The following KCNMA1 variants were observed in gnomAD, a reference collection of about 807,000 sequenced individuals.
KCNMA1 encodes potassium calcium-activated channel subfamily M alpha 1.
In KCNMA1, 29 loss-of-function variants were observed where a neutral mutation model predicts 140.0. The ratio of observed to expected loss-of-function variants is 0.21; its 90% CI spans 0.15 to 0.28. The LOEUF (loss-of-function observed/expected upper bound fraction) is 0.28. KCNMA1 is among the 10% of genes least tolerant of loss of function. KCNMA1 has a pLI of 1.00. For missense variants in KCNMA1, 880 were observed against 1,602.2 expected, an observed-to-expected ratio of 0.55 and a Z score of 7.70; for synonymous variants, 612 against 611.9, an observed-to-expected ratio of 1.00 and a Z score of 0.00.
At chr10:77,370,494 G>C (rs2094619820) in intron 2 of KCNMA1, among the ~76,000 whole-genome samples, 1 of 152,152 alleles carries the variant, frequency 6.6e-6, no homozygotes, top group Non-Finnish European at 1.5e-5. Flanking sequence ...GCCTGTTTGA[G>C]ATTGATGCCT....
intron 14 of KCNMA1, among the ~76,000 whole-genome samples, chr10:77,065,701 T>C (rs776731333): frequency 4.6e-5 from 7 of 152,186 alleles, no homozygotes; most frequent in Non-Finnish European, 7.3e-5. Flanking sequence ...TTTGTTAATC[T>C]AGGTCCTGGT....
chr10:77,449,767 C>T (rs2097595474), intron 1 of KCNMA1, among the ~76,000 whole-genome samples: 2 of 151,228 alleles, frequency 1.3e-5, no homozygotes, highest in South Asian at 2.1e-4. Context: ...CTCAGCCTCC[C>T]GAGTAGCTGG....
chr10:77,127,202 G>T (rs1005081569), intron 5 of KCNMA1, among the ~76,000 whole-genome samples: 4 of 151,324 alleles, frequency 2.6e-5, no homozygotes. Flanking sequence ...TATTATTGAT[G>T]ATATCTAGTA....
intron 1 of KCNMA1, among the ~76,000 whole-genome samples, chr10:77,535,045 G>T (rs373539128): frequency 1.3e-5 from 2 of 152,156 alleles, no homozygotes; most frequent in South Asian, 2.1e-4. Context: ...TATAAGGGTC[G>T]TGGAGATTCA....
intron 20 of KCNMA1, among the ~76,000 whole-genome samples, chr10:76,969,596 CAGAA>C (rs1321069715): frequency 6.6e-6 from 1 of 152,184 alleles, no homozygotes; most frequent in Non-Finnish European, 1.5e-5. Flanking sequence ...GGGACTCCAG[CAGAA>C]AGAGACTGCC....
intron 1 of KCNMA1, among the ~76,000 whole-genome samples, chr10:77,588,077 T>A (rs1014262787): frequency 2.6e-5 from 4 of 152,180 alleles, no homozygotes; most frequent in African/African-American, 4.8e-5. Flanking sequence ...AGATTCTAAT[T>A]CCATGGGAAT....
Position 77,637,313 on chromosome 10 carries a change from C to T in KCNMA1, c.330G>A (p.Thr110=). 4 of 1,613,594 alleles carry T rather than the reference C, an allele frequency of 2.5e-6. No individual in the cohort carries two copies. The East Asian group carries it at 8.9e-5, about 36-fold the overall frequency. Residue 110 remains threonine (T), a synonymous_variant, in exon 1 of 28, where the codon ACG becomes ACA. Coordinates refer to ENST00000286628, the MANE Select transcript of KCNMA1 (RefSeq NM_001161352.2). ...GGLFIILLWR[T]LKYLWTVCCH... is the part of the protein sequence containing the mutation. Reference sequence around the variant, plus strand: ...AGCACACGGTCCACAGGTACTTGAGCGTCCGCCAGAGCAAGATGATGAAGA... The same window carrying T: ...AGCACACGGTCCACAGGTACTTGAGTGTCCGCCAGAGCAAGATGATGAAGA...
chr10:77,454,570 C>G (rs2091252802), intron 1 of KCNMA1, among the ~76,000 whole-genome samples: 1 of 152,218 alleles, frequency 6.6e-6, no homozygotes, highest in African/African-American at 2.4e-5. Flanking sequence ...CCCTTTCACT[C>G]TACCCTAAGT....
chr10:77,153,170 A>G (rs576694837), intron 5 of KCNMA1, among the ~76,000 whole-genome samples: 2 of 152,324 alleles, frequency 1.3e-5, no homozygotes, highest in Middle Eastern at 3.4e-3. Flanking sequence ...ACTGGAGCAC[A>G]GAGTTCTCTT....
At chr10:77,624,384 T>C (rs1021990651) in intron 1 of KCNMA1, among the ~76,000 whole-genome samples, 1 of 152,006 alleles carries the variant, frequency 6.6e-6, no homozygotes, top group Non-Finnish European at 1.5e-5. Flanking sequence ...AATAGTAGAG[T>C]CACAAAAACC....
chr10:77,401,336 T>C (rs1292550813), intron 2 of KCNMA1, among the ~76,000 whole-genome samples: 2 of 152,054 alleles, frequency 1.3e-5, no homozygotes, highest in Non-Finnish European at 2.9e-5. Context: ...TTTGTATTTT[T>C]AGTAGAGATG....
At chr10:77,588,565 A>G (rs558468847) in intron 1 of KCNMA1, among the ~76,000 whole-genome samples, 124 of 152,346 alleles carry the variant, frequency 8.1e-4, no homozygotes, top group African/African-American at 2.7e-3. Context: ...AGAATTTTAG[A>G]CAGAGGTCCC....
chr10:77,016,689 C>T (rs1309269371), intron 17 of KCNMA1, among the ~76,000 whole-genome samples: 4 of 152,114 alleles, frequency 2.6e-5, no homozygotes, highest in Admixed American at 6.6e-5. Flanking sequence ...TATGTTCCAA[C>T]GTTATTTTAA....
intron 2 of KCNMA1, among the ~76,000 whole-genome samples, chr10:77,278,221 A>T (rs1482205674): frequency 6.6e-6 from 1 of 152,194 alleles, no homozygotes; most frequent in Non-Finnish European, 1.5e-5. Flanking sequence ...GAAATATAAA[A>T]TATGATTCTC....
Position 77,637,600 on chromosome 10 carries a change from C to CGCCGCCGCT in KCNMA1, c.34_42dup (p.Ser12_Gly14dup). ...AGACTGCTGCCTCCGCCGCCGCCGCCGCCGCCGCTGCTGCCGCCGCCGCCG... is the reference window on the plus strand; with the variant it reads ...AGACTGCTGCCTCCGCCGCCGCCGCCGCCGCCGCTGCCGCCGCTGCTGCCGCCGCCGCCG... On this transcript the variant is annotated inframe_insertion, in exon 1 of 28. Transcript: ENST00000286628. The CGCCGCCGCT allele has an allele frequency of 1.3e-6, 2 of 1,526,736 alleles. No homozygotes were observed. Among genetic ancestry groups the CGCCGCCGCT allele is most frequent in the Non-Finnish European group, 1.8e-6 (2 of 1,141,228 alleles). The allele number at this position is 1,526,736 out of a possible 1,614,324, so 94.6% of individuals were successfully genotyped here.
intron 14 of KCNMA1, among the ~76,000 whole-genome samples, chr10:77,059,615 T>C (rs916021440): frequency 6.6e-6 from 1 of 152,118 alleles, no homozygotes; most frequent in East Asian, 1.9e-4. Flanking sequence ...ATCCTATACA[T>C]TGATGCAGGA....
chr10:77,584,294 G>T (rs185743694), intron 1 of KCNMA1, among the ~76,000 whole-genome samples: 1 of 152,204 alleles, frequency 6.6e-6, no homozygotes, highest in Non-Finnish European at 1.5e-5. Context: ...CGTAAGACTT[G>T]TGGGAAGCCC....
At chr10:77,242,241 T>C (rs1358129138) in intron 3 of KCNMA1, among the ~76,000 whole-genome samples, 1 of 152,246 alleles carries the variant, frequency 6.6e-6, no homozygotes, top group African/African-American at 2.4e-5. Flanking sequence ...GGACAACAGG[T>C]ATTACTGCCA....
intron 2 of KCNMA1, among the ~76,000 whole-genome samples, chr10:77,271,995 C>A (rs1223410150): frequency 6.6e-6 from 1 of 152,202 alleles, no homozygotes; most frequent in Non-Finnish European, 1.5e-5. Flanking sequence ...GCCAGCTCCT[C>A]CTACAAGGCC....
Sources: gnomAD v4.1 joint callset for allele counts (sites outside exome capture counted in the v4.1 genomes callset) on GRCh38, gnomAD v4.1.1 for gene constraint, MANE v1.5 for transcripts, NCBI Gene and HGNC (gene_info 2026-07-23, HGNC 2026-07-21) for gene names.